C8orf34: variants seen among roughly 807,000 people sequenced by gnomAD.
The protein encoded by C8orf34 is uncharacterized protein C8orf34.
A neutral mutation model predicts 68.3 loss-of-function variants in C8orf34; 65 were observed. That is an observed-to-expected ratio of 0.95 (90% confidence interval 0.78 to 1.17). C8orf34 has a LOEUF of 1.17. Ranked by LOEUF, C8orf34 falls within the 50% of genes most tolerant of loss-of-function variation. The pLI is 0.00. For missense variants in C8orf34, 664 were observed against 655.4 expected (o/e 1.01, Z -0.14); for synonymous variants, 244 against 241.2 (o/e 1.01, Z -0.11).
At chr8:68,712,114 T>C (rs1821344524) in intron 9 of C8orf34, among the ~76,000 whole-genome samples, 1 of 152,166 alleles carries the variant, frequency 6.6e-6, no homozygotes, top group Admixed American at 6.5e-5. Context: ...AAAGATACAG[T>C]ATTTTCCAGA....
chr8:68,701,090 A>C (rs1346455918), intron 8 of C8orf34, among the ~76,000 whole-genome samples: 1 of 152,092 alleles, frequency 6.6e-6, no homozygotes. Flanking sequence ...TTTGCAGTGA[A>C]ATATAATATC....
intron 8 of C8orf34, among the ~76,000 whole-genome samples, chr8:68,703,036 C>G (rs16934922): frequency 2.2e-3 from 338 of 152,246 alleles, no homozygotes; most frequent in African/African-American, 7.7e-3. Flanking sequence ...CTACTGCTAT[C>G]GCAACCAATC....
intron 13 of C8orf34, among the ~76,000 whole-genome samples, chr8:68,816,525 T>C (rs1217502045): frequency 6.6e-6 from 1 of 152,144 alleles, no homozygotes; most frequent in East Asian, 1.9e-4. Flanking sequence ...TGGAAAGAAC[T>C]TAGAACCAGC....
chr8:68,462,431 C>T (rs1811883290), intron 3 of C8orf34, among the ~76,000 whole-genome samples: 1 of 151,924 alleles, frequency 6.6e-6, no homozygotes, highest in East Asian at 1.9e-4. Context: ...CAGCTCTGCA[C>T]CAAGCGGACC....
At chr8:68,446,576 A>C (rs144395115) in intron 3 of C8orf34, 116 bp downstream of exon 3, 3 of 1,080,576 alleles carry the variant, frequency 2.8e-6, no homozygotes, top group Admixed American at 2.9e-5. Flanking sequence ...CTGGCCTTTA[A>C]TCTTAGTGAA....
intron 1 of C8orf34, among the ~76,000 whole-genome samples, chr8:68,357,199 A>G (rs1806786418): frequency 6.6e-6 from 1 of 152,168 alleles, no homozygotes; most frequent in South Asian, 2.1e-4. Flanking sequence ...TATTAGGTAT[A>G]CAATATTCTA....
chr8:68,477,001 A>T (rs1812647175), intron 4 of C8orf34, among the ~76,000 whole-genome samples: 1 of 152,152 alleles, frequency 6.6e-6, no homozygotes, highest in East Asian at 1.9e-4. Flanking sequence ...TAGAGAGTTT[A>T]GCAAGTGTAT....
In C8orf34 at chr8:68,366,698, T is replaced by G. The variant is rs1373407498; in HGVS notation, c.327+35359T>G. On this transcript the variant is annotated intron_variant, in intron 1 of 13. Transcript: ENST00000518698. ...GCTGGGAAAACTGGCTAGCCATATG[T>G]AGAAAGCTGAAACTGGATCCCTTCC... Among the ~76,000 whole-genome samples, 256 of 144,494 alleles carry G rather than the reference T, an allele frequency of 1.8e-3. 2 individuals are homozygous for G. The highest frequency in any genetic ancestry group is 4.9e-3 in the South Asian group (22 of 4,464). 94.8% of individuals were successfully genotyped at this position (144,494 alleles called of 152,430 possible). A position where few individuals can be genotyped will look rare whatever the true frequency, so the allele number is the denominator to read the frequency against.
intron 8 of C8orf34, among the ~76,000 whole-genome samples, chr8:68,678,872 A>C (rs980100007): frequency 3.9e-5 from 6 of 152,036 alleles, no homozygotes; most frequent in Admixed American, 2.0e-4. Context: ...AAAAAAAAAA[A>C]AAAACTGTTA....
chr8:68,759,596 A>C (rs557766912), intron 10 of C8orf34, among the ~76,000 whole-genome samples: 1 of 152,172 alleles, frequency 6.6e-6, no homozygotes, highest in Non-Finnish European at 1.5e-5. Flanking sequence ...GGGTCTACTG[A>C]ATTTACATAT....
chr8:68,356,493 CT>C (rs1806753723), intron 1 of C8orf34, among the ~76,000 whole-genome samples: 1 of 151,992 alleles, frequency 6.6e-6, no homozygotes, highest in Non-Finnish European at 1.5e-5. Context: ...GTTTATATGC[CT>C]GCTCAATTTT....
At chr8:68,470,581 T>G (rs752091838) in intron 4 of C8orf34, among the ~76,000 whole-genome samples, 5 of 152,086 alleles carry the variant, frequency 3.3e-5, no homozygotes, top group Non-Finnish European at 7.4e-5. Flanking sequence ...TTACCCTGTT[T>G]GGGCTGCTAT....
At chr8:68,514,707 T>C (rs1814429228) in intron 5 of C8orf34, among the ~76,000 whole-genome samples, 1 of 152,238 alleles carries the variant, frequency 6.6e-6, no homozygotes, top group Admixed American at 6.5e-5. Flanking sequence ...AATTTGCTTT[T>C]CTAGCCTATA....
chr8:68,523,570 G>A (rs1233808622), intron 6 of C8orf34, among the ~76,000 whole-genome samples: 1 of 152,160 alleles, frequency 6.6e-6, no homozygotes, highest in Admixed American at 6.6e-5. Context: ...ACAAGAAAGA[G>A]CTGGTGAAAT....
chr8:68,462,461 T>A (rs552726346), intron 3 of C8orf34, among the ~76,000 whole-genome samples: 183 of 151,120 alleles, frequency 1.2e-3, no homozygotes, highest in African/African-American at 4.0e-3. Flanking sequence ...TCTACAGAAC[T>A]CTCCACCCCA....
chr8:68,522,007 A>C, intron 6 of C8orf34, 36 bp downstream of exon 6: 1 of 1,558,710 alleles, frequency 6.4e-7, no homozygotes, highest in Non-Finnish European at 8.7e-7. Context: ...CTATATTACT[A>C]GTCATTAAAA....
intron 8 of C8orf34, among the ~76,000 whole-genome samples, chr8:68,666,059 T>C (rs964864465): frequency 6.6e-6 from 1 of 152,316 alleles, no homozygotes; most frequent in African/African-American, 2.4e-5. Context: ...GTGTGTCCCA[T>C]GGCCGGTATT....
intron 4 of C8orf34, among the ~76,000 whole-genome samples, chr8:68,486,452 A>G (rs187405086): frequency 9.2e-5 from 14 of 152,164 alleles, no homozygotes; most frequent in Non-Finnish European, 1.8e-4. Context: ...TTTTGATGTG[A>G]CACATAAAAA....
intron 7 of C8orf34, among the ~76,000 whole-genome samples, chr8:68,584,220 A>G (rs1586408374): frequency 3.9e-5 from 6 of 152,290 alleles, no homozygotes; most frequent in Middle Eastern, 3.4e-3. Context: ...TGGTACCTTC[A>G]GAATGATCCA....
Sources: allele counts gnomAD v4.1 joint callset (sites outside exome capture counted in the v4.1 genomes callset), GRCh38; gene constraint gnomAD v4.1.1; transcripts MANE v1.5; gene names NCBI Gene and HGNC (gene_info 2026-07-23, HGNC 2026-07-21).